ST8SIA1: variants seen among roughly 807,000 people sequenced by gnomAD.
ST8SIA1 encodes the protein ST8 alpha-N-acetyl-neuraminide alpha-2,8-sialyltransferase 1.
Under a neutral mutation model 35.9 loss-of-function variants are expected in ST8SIA1, and 16 were observed. The observed-to-expected ratio is 0.45, with a 90% CI of 0.30 to 0.68. The LOEUF is 0.68. Ranked by LOEUF, ST8SIA1 falls within the 30% of genes least tolerant of loss-of-function variation. ST8SIA1 has a pLI of 0.09. For missense variants in ST8SIA1, 383 were observed against 453.6 expected (o/e 0.84, Z 1.41); for synonymous variants, 170 against 169.6 (o/e 1.00, Z -0.02).
At chr12:22,248,525 G>A (rs1048207307) in intron 4 of ST8SIA1, among the ~76,000 whole-genome samples, 9 of 151,528 alleles carry the variant, frequency 5.9e-5, no homozygotes, top group African/African-American at 2.2e-4. Context: ...ATAATATAAT[G>A]TAATGTAATA....
intron 4 of ST8SIA1, among the ~76,000 whole-genome samples, chr12:22,227,358 G>A (rs1322406595): frequency 1.3e-5 from 2 of 151,828 alleles, no homozygotes; most frequent in Non-Finnish European, 2.9e-5. Flanking sequence ...GGCAGATCAC[G>A]AGGTCAGCAG....
chr12:22,293,105 T>C lies in ST8SIA1; in HGVS notation c.237-5812A>G, dbSNP rs116457745. On this transcript the variant is annotated intron_variant, in intron 1 of 4. Coordinates refer to ENST00000396037, the MANE Select transcript of ST8SIA1 (RefSeq NM_003034.4). ...ACTTGTCAAAATAATTGCTTTAGAC[T>C]GACAAACATTTTCAGTAGTAGAAGA... 4.3e-3 allele frequency among the ~76,000 whole-genome samples: 656 copies of C among 152,372 alleles called. 3 individuals carry two copies. Among genetic ancestry groups the C allele is most frequent in the African/African-American group, 0.015 (622 of 41,586 alleles).
chr12:22,306,244 C>T (rs1161646343), intron 1 of ST8SIA1, among the ~76,000 whole-genome samples: 3 of 152,156 alleles, frequency 2.0e-5, no homozygotes, highest in East Asian at 1.9e-4. Context: ...GGGCACATGT[C>T]GTCAGGACCT....
At chr12:22,264,190 T>C (rs1030365207) in intron 2 of ST8SIA1, among the ~76,000 whole-genome samples, 1 of 152,140 alleles carries the variant, frequency 6.6e-6, no homozygotes, top group African/African-American at 2.4e-5. Flanking sequence ...CCCCCTCTTA[T>C]GAATGTAATT....
chr12:22,274,392 T>C (rs1470430404), intron 2 of ST8SIA1, among the ~76,000 whole-genome samples: 1 of 152,156 alleles, frequency 6.6e-6, no homozygotes, highest in Non-Finnish European at 1.5e-5. Context: ...CAAGAGGCCA[T>C]TGTCATTTGA....
At chr12:22,237,909 G>T (rs1286009851) in intron 4 of ST8SIA1, among the ~76,000 whole-genome samples, 2 of 151,914 alleles carry the variant, frequency 1.3e-5, no homozygotes, top group Non-Finnish European at 2.9e-5. Context: ...CTGTATTTTT[G>T]TTTTCAGTTT....
chr12:22,257,754 T>G (rs1447153312), intron 2 of ST8SIA1, among the ~76,000 whole-genome samples: 1 of 151,190 alleles, frequency 6.6e-6, no homozygotes, highest in Non-Finnish European at 1.5e-5. Flanking sequence ...TATCAGAGAG[T>G]AGACTATTAG....
intron 4 of ST8SIA1, among the ~76,000 whole-genome samples, chr12:22,243,847 C>A (rs892178110): frequency 1.3e-5 from 2 of 152,114 alleles, no homozygotes; most frequent in African/African-American, 4.8e-5. Flanking sequence ...GCCTTGCCAA[C>A]ATGGTGAAAC....
At chr12:22,285,886 A>AAAAAAAACAAAAAAAAAAAAC (rs1565586767) in intron 2 of ST8SIA1, among the ~76,000 whole-genome samples, 2 of 109,806 alleles carry the variant, frequency 1.8e-5, no homozygotes, top group African/African-American at 5.7e-5. Context: ...ACAAAAAAAA[A>AAAAAAAACAAAAAAAAAAAAC]AAAAAAAAAA....
In ST8SIA1 at chr12:22,334,196, T is replaced by G. The variant is rs1199398248; in HGVS notation, c.37A>C (p.Arg13=). 6.2e-7 allele frequency: 1 copy of G among 1,613,514 alleles called. No homozygotes were observed. Among genetic ancestry groups the G allele is most frequent in the Non-Finnish European group, 8.5e-7 (1 of 1,179,810 alleles). Residue 13 remains arginine, a synonymous_variant, in exon 1 of 5, where the codon AGA becomes CGA. Coordinates refer to ENST00000396037, the MANE Select transcript of ST8SIA1 (RefSeq NM_003034.4). ...CACGCCAGTACAGCCATGGCCCCTC[T>G]GGACGTTTGTCGCCGGGCCCGCCCG... ...PCGRARRQTS[R]GAMAVLAWKF... is the part of the protein sequence containing the mutation.
At chr12:22,290,811 C>T (rs567004670) in intron 1 of ST8SIA1, among the ~76,000 whole-genome samples, 1 of 152,264 alleles carries the variant, frequency 6.6e-6, no homozygotes, top group South Asian at 2.1e-4. Flanking sequence ...AATTTGGCTC[C>T]TATCTCCTTT....
At chr12:22,281,603 A>G (rs1162227799) in intron 2 of ST8SIA1, among the ~76,000 whole-genome samples, 2 of 152,180 alleles carry the variant, frequency 1.3e-5, no homozygotes, top group Non-Finnish European at 2.9e-5. Context: ...AAAAGAGACT[A>G]GAGTATTGTA....
intron 4 of ST8SIA1, among the ~76,000 whole-genome samples, chr12:22,224,036 T>C (rs755281628): frequency 1.4e-4 from 22 of 152,266 alleles, no homozygotes; most frequent in Admixed American, 1.3e-4. Context: ...AAAAGAAAGG[T>C]TGTACTAATT....
chr12:22,231,809 A>T (rs1009913166), intron 4 of ST8SIA1, among the ~76,000 whole-genome samples: 2 of 152,018 alleles, frequency 1.3e-5, no homozygotes, highest in Admixed American at 1.3e-4. Flanking sequence ...TCCTGACCTC[A>T]TGATCCGCCT....
rs1865042791 is a variant in ST8SIA1 at position 22,200,985 on chromosome 12, T to C, written c.*567A>G. On this transcript the variant is annotated 3_prime_UTR_variant, in exon 5 of 5. Transcript: ENST00000396037. ...GAGCTATAGTTAATATAGACGTGGC[T>C]CAACAAATCACAATTATCAGCAGTA... 1 of 152,152 alleles carries C rather than the reference T, an allele frequency of 6.6e-6. No homozygotes were observed. 9.4% of individuals were successfully genotyped at this position (152,152 alleles called of 1,614,324 possible).
chr12:22,270,705 G>A lies in ST8SIA1; in HGVS notation c.382-15316C>T, dbSNP rs114582253. Among the ~76,000 whole-genome samples, 1,487 of 152,232 alleles carry A rather than the reference G, an allele frequency of 9.8e-3. 34 individuals are homozygous for A. The highest frequency in any genetic ancestry group is 0.034 in the African/African-American group (1,416 of 41,534). On this transcript the variant is annotated intron_variant, in intron 2 of 4. Transcript: ENST00000396037. ...TAATGAGAAATTATTTAATGAGGAC[G>A]CTGTATGTGATTCTGGTGATGGATA...
chr12:22,279,911 G>A (rs1037546018), intron 2 of ST8SIA1, among the ~76,000 whole-genome samples: 1 of 152,178 alleles, frequency 6.6e-6, no homozygotes, highest in South Asian at 2.1e-4. Context: ...ATTAAAAAAT[G>A]TTGTGCTAGC....
At chr12:22,213,283 A>T (rs1333478131) in intron 4 of ST8SIA1, among the ~76,000 whole-genome samples, 1 of 152,150 alleles carries the variant, frequency 6.6e-6, no homozygotes, top group Non-Finnish European at 1.5e-5. Context: ...ACACCACACA[A>T]TGATTAAATT....
At chr12:22,240,173 A>G (rs1363527533) in intron 4 of ST8SIA1, among the ~76,000 whole-genome samples, 1 of 152,168 alleles carries the variant, frequency 6.6e-6, no homozygotes, top group African/African-American at 2.4e-5. Flanking sequence ...ATATCTCTCA[A>G]CAGTCCCCAA....
Sources: gnomAD v4.1 joint callset for allele counts (sites outside exome capture counted in the v4.1 genomes callset) on GRCh38, gnomAD v4.1.1 for gene constraint, MANE v1.5 for transcripts, NCBI Gene and HGNC (gene_info 2026-07-23, HGNC 2026-07-21) for gene names.